PTPRD: variants seen among roughly 807,000 people sequenced by gnomAD.
The protein encoded by PTPRD is protein tyrosine phosphatase receptor type D, also known as receptor-type tyrosine-protein phosphatase delta.
PTPRD carries 34 observed loss-of-function variants against 214.5 expected under a neutral mutation model. That is an observed-to-expected ratio of 0.16 (90% CI 0.12 to 0.21). The LOEUF is 0.21. Ranked by LOEUF, PTPRD falls within the 10% of genes least tolerant of loss-of-function variation. The probability of loss-of-function intolerance (pLI) is 1.00; values close to 1 mark genes in which losing one functional copy is unlikely to be tolerated. For missense variants in PTPRD, 2,545 were observed against 2,398.7 expected (o/e 1.06, Z -1.27); for synonymous variants, 1,128 against 845.7 (o/e 1.33, Z -5.79).
At chr9:10,299,623 G>A (rs2095799769) in intron 3 of PTPRD, among the ~76,000 whole-genome samples, 1 of 152,234 alleles carries the variant, frequency 6.6e-6, no homozygotes, top group Non-Finnish European at 1.5e-5. Flanking sequence ...GGCCAAGGCA[G>A]TGCTCTCTCA....
chr9:9,528,423 C>G (rs891760690), intron 8 of PTPRD, among the ~76,000 whole-genome samples: 4 of 151,906 alleles, frequency 2.6e-5, no homozygotes, highest in Non-Finnish European at 4.4e-5. Context: ...GCTAAATTAG[C>G]TTGGTCTAAA....
intron 12 of PTPRD, among the ~76,000 whole-genome samples, chr9:8,724,014 G>A (rs1182719969): frequency 6.6e-6 from 1 of 152,136 alleles, no homozygotes; most frequent in Non-Finnish European, 1.5e-5. Context: ...AAACTTTTAT[G>A]AGAGAACAAA....
At chr9:10,149,029 AAAAGCAGTTCATTC>A in intron 3 of PTPRD, among the ~76,000 whole-genome samples, 1 of 152,324 alleles carries the variant, frequency 6.6e-6, no homozygotes. Flanking sequence ...GCTGGCTCAG[AAAAGCAGTTCATTC>A]ATAATAGAAG....
At chr9:9,747,562 C>T (rs1456210159) in intron 6 of PTPRD, among the ~76,000 whole-genome samples, 3 of 139,954 alleles carry the variant, frequency 2.1e-5, no homozygotes, top group African/African-American at 8.0e-5. Flanking sequence ...TTTTTTCTCC[C>T]TGAGATGGAG....
intron 11 of PTPRD, among the ~76,000 whole-genome samples, chr9:8,983,809 C>A (rs1260913213): frequency 1.3e-5 from 2 of 151,880 alleles, no homozygotes; most frequent in East Asian, 3.9e-4. Context: ...GAGTGCCCAG[C>A]CAATTTTATA....
At chr9:8,795,226 A>C (rs1368380119) in intron 11 of PTPRD, among the ~76,000 whole-genome samples, 10 of 152,128 alleles carry the variant, frequency 6.6e-5, no homozygotes. Context: ...GTGCAATGGC[A>C]TGATCTCGGC....
intron 11 of PTPRD, among the ~76,000 whole-genome samples, chr9:8,782,629 G>A (rs953331798): frequency 2.3e-5 from 3 of 128,962 alleles, no homozygotes; most frequent in Admixed American, 9.0e-5. Context: ...ACGGAGTCTC[G>A]CCCCGTTGCC....
chr9:9,626,878 A>G (rs956331174), intron 7 of PTPRD, among the ~76,000 whole-genome samples: 2 of 152,220 alleles, frequency 1.3e-5, no homozygotes, highest in Non-Finnish European at 2.9e-5. Context: ...TGTTAAGTGA[A>G]AGGAGATGAA....
rs563666025 is a variant in PTPRD at position 8,628,325 on chromosome 9, A to T, written c.352+4992T>A. On this transcript the variant is annotated intron_variant, in intron 14 of 45. Transcript: ENST00000381196. ...ACTGCCTTCTCCCTGAAAGATTGTA[A>T]AAGTTGTATGTTTTTTTTCCTAACA... is the stretch of plus-strand genomic sequence containing the variant. 2.0e-5 allele frequency among the ~76,000 whole-genome samples: 3 copies of T among 151,998 alleles called. No individual in the cohort carries two copies. In the East Asian group the frequency reaches 5.8e-4, roughly 29 times the overall value.
chr9:10,391,169 T>C (rs1380268318), intron 2 of PTPRD, among the ~76,000 whole-genome samples: 2 of 151,782 alleles, frequency 1.3e-5, no homozygotes, highest in African/African-American at 4.8e-5. Flanking sequence ...GGAGTAATTC[T>C]CTTTTTAGGT....
intron 7 of PTPRD, among the ~76,000 whole-genome samples, chr9:9,604,315 A>C (rs1369082497): frequency 1.3e-5 from 2 of 152,120 alleles, no homozygotes; most frequent in African/African-American, 4.8e-5. Context: ...TGAAAATAAA[A>C]TTTTATTTAT....
chr9:8,975,394 G>C (rs988220375), intron 11 of PTPRD, among the ~76,000 whole-genome samples: 2 of 151,916 alleles, frequency 1.3e-5, no homozygotes, highest in Non-Finnish European at 2.9e-5. Context: ...TGTGAAGCTG[G>C]TAATATATTA....
At chr9:8,555,238 T>C (rs2083377872) in intron 14 of PTPRD, among the ~76,000 whole-genome samples, 4 of 151,984 alleles carry the variant, frequency 2.6e-5, no homozygotes, top group Admixed American at 2.6e-4. Flanking sequence ...ACCCTGTCTG[T>C]ATAAAAAGAC....
intron 9 of PTPRD, among the ~76,000 whole-genome samples, chr9:9,355,931 G>T (rs2053588367): frequency 6.6e-6 from 1 of 151,414 alleles, no homozygotes; most frequent in African/African-American, 2.4e-5. Flanking sequence ...GATTAAAGAG[G>T]AAGGAGTGAT....
At chr9:9,327,279 C>T (rs1595843992) in intron 9 of PTPRD, among the ~76,000 whole-genome samples, 1 of 152,276 alleles carries the variant, frequency 6.6e-6, no homozygotes, top group East Asian at 1.9e-4. Context: ...AATTCTGCTA[C>T]TTCTTTTGGA....
intron 11 of PTPRD, among the ~76,000 whole-genome samples, chr9:8,786,578 C>T (rs2095984602): frequency 6.6e-6 from 1 of 151,766 alleles, no homozygotes; most frequent in East Asian, 1.9e-4. Context: ...CCACGCCCGG[C>T]TAATTTTTGT....
rs181983974 is a variant in PTPRD, at chr9:9,033,466, G to C, written c.-142-14731C>G. 2.8e-3 allele frequency among the ~76,000 whole-genome samples: 433 copies of C among 152,170 alleles called. 2 individuals carry two copies. The highest frequency in any genetic ancestry group is 4.7e-3 in the Non-Finnish European group (317 of 68,002). On this transcript the variant is annotated intron_variant, in intron 10 of 45. Transcript: ENST00000381196. ...AAGGGGAATTCTTCCAGCTTTATCAGAAGAACATCCAACCGCAGTACATAC... is the reference window on the plus strand; with the variant it reads ...AAGGGGAATTCTTCCAGCTTTATCACAAGAACATCCAACCGCAGTACATAC...
intron 10 of PTPRD, among the ~76,000 whole-genome samples, chr9:9,122,397 A>T (rs191788219): frequency 6.6e-6 from 1 of 152,362 alleles, no homozygotes; most frequent in African/African-American, 2.4e-5. Flanking sequence ...AAGAATCTTA[A>T]TATATGATAG....
chr9:9,861,120 A>G (rs561584328), intron 5 of PTPRD, among the ~76,000 whole-genome samples: 1 of 152,322 alleles, frequency 6.6e-6, no homozygotes, highest in African/African-American at 2.4e-5. Flanking sequence ...ACTAGCATCT[A>G]TAATAAATTA....
Sources: allele counts gnomAD v4.1 joint callset (sites outside exome capture counted in the v4.1 genomes callset), GRCh38; gene constraint gnomAD v4.1.1; transcripts MANE v1.5; gene names NCBI Gene and HGNC (gene_info 2026-07-23, HGNC 2026-07-21).